The following TTC7A variants were observed in gnomAD, a reference collection of about 807,000 sequenced individuals.
The protein encoded by TTC7A is tetratricopeptide repeat domain 7A, also known as tetratricopeptide repeat protein 7A.
In TTC7A, 110 loss-of-function variants were observed where a neutral mutation model predicts 103.7. The ratio of observed to expected loss-of-function variants is 1.06; its 90% CI spans 0.91 to 1.24. The LOEUF is 1.24. Ranked by LOEUF, TTC7A falls within the 50% of genes most tolerant of loss-of-function variation. TTC7A has a pLI of 0.00. For missense variants in TTC7A, 1,340 were observed against 1,116.3 expected (o/e 1.20, Z -2.86); for synonymous variants, 521 against 467.9 (o/e 1.11, Z -1.47).
chr2:47,015,308 G>A (rs1678520496), intron 11 of TTC7A, among the ~76,000 whole-genome samples: 1 of 152,252 alleles, frequency 6.6e-6, no homozygotes, highest in Non-Finnish European at 1.5e-5. Context: ...AACCTTTACA[G>A]GAGGCAAAGA....
At chr2:46,917,415 TC>T (rs1207047347) in intron 2 of TTC7A, 1 of 564,618 alleles carries the variant, frequency 1.8e-6, no homozygotes, top group African/African-American at 1.9e-5. Flanking sequence ...CTGCCATTCA[TC>T]CATCTCTTCA....
chr2:47,010,497 C>T (rs1328817645), intron 10 of TTC7A, among the ~76,000 whole-genome samples: 1 of 152,172 alleles, frequency 6.6e-6, no homozygotes, highest in African/African-American at 2.4e-5. Flanking sequence ...GTGGCTGCCC[C>T]GCCCCGCCCA....
intron 16 of TTC7A, among the ~76,000 whole-genome samples, chr2:47,048,121 G>T (rs964010291): frequency 1.3e-5 from 2 of 152,138 alleles, no homozygotes; most frequent in Non-Finnish European, 2.9e-5. Context: ...TGTTCTAATT[G>T]CCCCTCAGGC....
intron 16 of TTC7A, among the ~76,000 whole-genome samples, chr2:47,048,795 G>C (rs2104715454): frequency 6.6e-6 from 1 of 152,020 alleles, no homozygotes; most frequent in Non-Finnish European, 1.5e-5. Context: ...TAGAGATGGG[G>C]TCATACTCTG....
At chr2:46,989,923 T>A (rs1379095770) in intron 5 of TTC7A, among the ~76,000 whole-genome samples, 3 of 151,874 alleles carry the variant, frequency 2.0e-5, no homozygotes, top group African/African-American at 7.3e-5. Flanking sequence ...CCAAGAGCGT[T>A]GATGATGTAA....
chr2:46,920,062 T>G (rs1457198498), intron 2 of TTC7A, among the ~76,000 whole-genome samples: 1 of 152,240 alleles, frequency 6.6e-6, no homozygotes, highest in African/African-American at 2.4e-5. Context: ...ATGATGGCCA[T>G]CTGCATTTGA....
intron 3 of TTC7A, among the ~76,000 whole-genome samples, chr2:46,963,605 A>T (rs1303174659): frequency 6.6e-6 from 1 of 152,220 alleles, no homozygotes; most frequent in Non-Finnish European, 1.5e-5. Context: ...AACCAGACTT[A>T]TGGTTATAAT....
intron 5 of TTC7A, among the ~76,000 whole-genome samples, chr2:46,985,661 T>C (rs925842349): frequency 1.3e-5 from 2 of 152,160 alleles, no homozygotes; most frequent in Non-Finnish European, 2.9e-5. Flanking sequence ...GTAGACCCCA[T>C]GAGCCTGGTG....
At chr2:46,967,450 T>A (rs535064520) in intron 3 of TTC7A, among the ~76,000 whole-genome samples, 1 of 152,258 alleles carries the variant, frequency 6.6e-6, no homozygotes, top group East Asian at 1.9e-4. Context: ...ACTCTTCTAT[T>A]TTCTGTTTTT....
rs747714101 is a variant in TTC7A at position 47,043,764 on chromosome 2, G to A, written c.1803-2551G>A. Among the ~76,000 whole-genome samples, 45 of 152,242 alleles carry A rather than the reference G, an allele frequency of 3.0e-4. 1 individual carries two copies. The highest frequency in any genetic ancestry group is 9.9e-4 in the African/African-American group (41 of 41,548). ...GCCCCAGCCCAGAAAGGATGTGGTCGGGTTGAGAAAATCCGCTCTGGGCCA... is the reference window on the plus strand; with the variant it reads ...GCCCCAGCCCAGAAAGGATGTGGTCAGGTTGAGAAAATCCGCTCTGGGCCA... On this transcript the variant is annotated intron_variant, in intron 15 of 19. Transcript: ENST00000319190.
intron 1 of TTC7A, among the ~76,000 whole-genome samples, chr2:46,945,043 T>G (rs1314779497): frequency 6.6e-6 from 1 of 152,236 alleles, no homozygotes; most frequent in Non-Finnish European, 1.5e-5. Context: ...CAAAAAAATT[T>G]GCAGTGAACA....
rs568096812 is a variant in TTC7A at position 46,941,515 on chromosome 2, A to C, written c.-27A>C. The C allele has an allele frequency of 5.8e-6, 9 of 1,547,778 alleles. No individual in the cohort carries two copies. Among genetic ancestry groups the C allele is most frequent in the Middle Eastern group, 3.5e-4 (2 of 5,744 alleles). Reference sequence around the variant, plus strand: ...GGCCGGGTCTCCACTTCTTGGCCGCACCTTCCATGACAGCGCCCGCGAGAA... The same window carrying C: ...GGCCGGGTCTCCACTTCTTGGCCGCCCCTTCCATGACAGCGCCCGCGAGAA... On this transcript the variant is annotated 5_prime_UTR_variant, in exon 1 of 20. Transcript: ENST00000319190. The surrounding 1 kb of genome is among the most constrained non-coding windows in gnomAD (Gnocchi z 4.2).
At chr2:46,933,132 T>C (rs547053034) in intron 2 of TTC7A, among the ~76,000 whole-genome samples, 11 of 152,290 alleles carry the variant, frequency 7.2e-5, no homozygotes, top group Non-Finnish European at 1.6e-4. Context: ...GGAGAAATCA[T>C]GGGCTCCTGC....
chr2:47,038,115 C>T (rs539695609), intron 15 of TTC7A, among the ~76,000 whole-genome samples: 5 of 152,100 alleles, frequency 3.3e-5, no homozygotes, highest in African/African-American at 1.2e-4. Flanking sequence ...AAAAATAAGC[C>T]AGGCGTGGTG....
intron 2 of TTC7A, among the ~76,000 whole-genome samples, chr2:46,923,990 C>A (rs888356907): frequency 2.6e-5 from 4 of 151,978 alleles, no homozygotes; most frequent in Non-Finnish European, 4.4e-5. Flanking sequence ...CCCGCCTCGG[C>A]CTCCCAAAGT....
At position 46,995,095 on chromosome 2, in the gene TTC7A, A is replaced by G. The variant is rs780025889; in HGVS notation, c.1002-41A>G. 28 of 1,602,358 alleles carry G rather than the reference A, an allele frequency of 1.7e-5. No homozygotes were observed. In the East Asian group the frequency reaches 5.6e-4, roughly 32 times the overall value. ...GGTGGGTCAGTGGTGCTGTCTGGTGAGGTGTGTGCTCTAGCCAGGCCTGTC... is the reference window on the plus strand; with the variant it reads ...GGTGGGTCAGTGGTGCTGTCTGGTGGGGTGTGTGCTCTAGCCAGGCCTGTC... On this transcript the variant is annotated intron_variant, in intron 7 of 19. Coordinates refer to ENST00000319190, the MANE Select transcript of TTC7A (RefSeq NM_020458.4).
At chr2:46,981,179 A>G (rs928269488) in intron 5 of TTC7A, among the ~76,000 whole-genome samples, 2 of 152,170 alleles carry the variant, frequency 1.3e-5, no homozygotes, top group Non-Finnish European at 2.9e-5. Context: ...TAATTACTTT[A>G]AACATTTTGA....
chr2:46,987,727 G>A (rs1276045404), intron 5 of TTC7A, among the ~76,000 whole-genome samples: 2 of 152,210 alleles, frequency 1.3e-5, no homozygotes, highest in Admixed American at 1.3e-4. Flanking sequence ...CAACAGAGAA[G>A]GGAGTGGCTG....
At position 47,009,412 on chromosome 2, in the gene TTC7A, A is replaced by G. The variant is rs1374500796; in HGVS notation, c.1288-1919A>G. Among the ~76,000 whole-genome samples the G allele has an allele frequency of 8.5e-5, 13 of 152,090 alleles. 1 individual carries two copies. Among genetic ancestry groups the G allele is most frequent in the Non-Finnish European group, 1.9e-4 (13 of 68,016 alleles). ...CTCATCCCCTTTCCTGAGTGACCGC[A>G]CAACGCCTAGCCCAGTACTGGGTGA... On this transcript the variant is annotated intron_variant, in intron 10 of 19. Transcript: ENST00000319190.
Sources: gnomAD v4.1 joint callset for allele counts (sites outside exome capture counted in the v4.1 genomes callset) on GRCh38, gnomAD v4.1.1 for gene constraint, Gnocchi (gnomAD v3.1) non-coding constraint, MANE v1.5 for transcripts, NCBI Gene and HGNC (gene_info 2026-07-23, HGNC 2026-07-21) for gene names.